Variants in RAPGEF4 observed in about 807,000 individuals in gnomAD.
RAPGEF4 encodes Rap guanine nucleotide exchange factor 4.
In RAPGEF4, 66 loss-of-function variants were observed where a neutral mutation model predicts 147.9. That is an observed-to-expected ratio of 0.45 (90% CI 0.37 to 0.55). The LOEUF (loss-of-function observed/expected upper bound fraction) is 0.55. RAPGEF4 is among the 20% of genes least tolerant of loss of function. RAPGEF4 has a pLI of 0.00. For synonymous variants in RAPGEF4, 419 were observed against 442.7 expected, an observed-to-expected ratio of 0.95 and a Z score of 0.67; for missense variants, 1,071 against 1,257.3, an observed-to-expected ratio of 0.85 and a Z score of 2.24.
intron 25 of RAPGEF4, 104 bp downstream of exon 25, chr2:173,027,363 C>G: frequency 1.1e-6 from 1 of 920,444 alleles, no homozygotes. Context: ...CTAGGAACTG[C>G]TAGAGGGCCA....
rs1692770717 is a variant in RAPGEF4, at chr2:172,990,941, A to G, written c.1490+16A>G. ...CTCAGCAAAAGTATGTTTGCATCCAACACTGTAATTGCCAGACTATGATTA... is the reference window on the plus strand; with the variant it reads ...CTCAGCAAAAGTATGTTTGCATCCAGCACTGTAATTGCCAGACTATGATTA... On this transcript the variant is annotated intron_variant, in intron 15 of 30. Transcript: ENST00000397081. 6.5e-7 allele frequency: 1 copy of G among 1,544,924 alleles called. No individual in the cohort carries two copies. The highest frequency in any genetic ancestry group is 1.1e-5 in the South Asian group (1 of 89,234).
chr2:173,026,077 C>T (rs1473523443), intron 23 of RAPGEF4, among the ~76,000 whole-genome samples: 1 of 152,282 alleles, frequency 6.6e-6, no homozygotes, highest in East Asian at 1.9e-4. Context: ...TCCCTCATGA[C>T]CCCAGGCAGT....
chr2:172,811,348 C>T (rs1688003357), intron 3 of RAPGEF4, among the ~76,000 whole-genome samples: 1 of 152,194 alleles, frequency 6.6e-6, no homozygotes, highest in Non-Finnish European at 1.5e-5. Context: ...CTTTACTTCC[C>T]TTTTGAAAGT....
chr2:172,861,428 G>T (rs1417271889), intron 4 of RAPGEF4, among the ~76,000 whole-genome samples: 1 of 152,192 alleles, frequency 6.6e-6, no homozygotes, highest in Non-Finnish European at 1.5e-5. Context: ...GAGGGAAAAG[G>T]GGGTATCTTG....
intron 12 of RAPGEF4, among the ~76,000 whole-genome samples, chr2:172,986,880 G>T (rs931994631): frequency 2.0e-5 from 3 of 151,934 alleles, no homozygotes; most frequent in Non-Finnish European, 2.9e-5. Context: ...TGTATTTTTA[G>T]TAGAGGCAGG....
intron 1 of RAPGEF4, among the ~76,000 whole-genome samples, chr2:172,755,562 A>G (rs1201170029): frequency 6.6e-6 from 1 of 151,844 alleles, no homozygotes; most frequent in Non-Finnish European, 1.5e-5. Context: ...CCCAGCTACT[A>G]TTTTTGTATT....
intron 29 of RAPGEF4, among the ~76,000 whole-genome samples, chr2:173,043,047 T>C (rs1684961918): frequency 6.6e-6 from 1 of 152,212 alleles, no homozygotes; most frequent in African/African-American, 2.4e-5. Flanking sequence ...GCCTGGCCAT[T>C]TGGTTGCTAT....
At chr2:172,972,816 T>A (rs1340624002) in intron 10 of RAPGEF4, among the ~76,000 whole-genome samples, 1 of 152,210 alleles carries the variant, frequency 6.6e-6, no homozygotes. Flanking sequence ...CTAAAGTCGA[T>A]CTCTTTATTG....
chr2:173,006,622 A>T (rs1694505720), intron 17 of RAPGEF4, among the ~76,000 whole-genome samples: 1 of 152,208 alleles, frequency 6.6e-6, no homozygotes, highest in Non-Finnish European at 1.5e-5. Context: ...CTGAAAAATT[A>T]GGGTCCCTGT....
At position 173,039,947 on chromosome 2, in the gene RAPGEF4, T is replaced by C. The variant is rs552897723; in HGVS notation, c.2853+3255T>C. ...GCTCATGTCTGTAATCCCAGCACTT[T>C]GGGAGGCTGAGGTGGGCAGATCGCC... On this transcript the variant is annotated intron_variant, in intron 29 of 30. Transcript: ENST00000397081. Among the ~76,000 whole-genome samples, 281 of 152,272 alleles carry C rather than the reference T, an allele frequency of 1.8e-3. 1 individual carries two copies. The highest frequency in any genetic ancestry group is 6.3e-3 in the African/African-American group (263 of 41,538).
intron 6 of RAPGEF4, among the ~76,000 whole-genome samples, chr2:172,938,766 G>A (rs1448395040): frequency 1.3e-5 from 2 of 152,202 alleles, no homozygotes; most frequent in Non-Finnish European, 2.9e-5. Flanking sequence ...TGCCATGTAT[G>A]CACCATTACA....
At chr2:172,877,227 A>T (rs1200559405) in intron 4 of RAPGEF4, among the ~76,000 whole-genome samples, 1 of 152,164 alleles carries the variant, frequency 6.6e-6, no homozygotes, top group Non-Finnish European at 1.5e-5. Context: ...ACATGGATGA[A>T]GCTGGAAATC....
intron 4 of RAPGEF4, among the ~76,000 whole-genome samples, chr2:172,879,657 G>A (rs1258607965): frequency 2.0e-5 from 3 of 152,070 alleles, no homozygotes; most frequent in Non-Finnish European, 4.4e-5. Flanking sequence ...CAAAAAATTA[G>A]CCAGGTATGG....
intron 10 of RAPGEF4, among the ~76,000 whole-genome samples, chr2:172,967,760 GC>G (rs1467876021): frequency 6.6e-6 from 1 of 152,194 alleles, no homozygotes; most frequent in African/African-American, 2.4e-5. Context: ...CTGTTTCTAT[GC>G]CAGCCTGTGG....
At chr2:173,022,850 A>G (rs1290664562) in intron 23 of RAPGEF4, among the ~76,000 whole-genome samples, 1 of 152,210 alleles carries the variant, frequency 6.6e-6, no homozygotes, top group East Asian at 1.9e-4. Flanking sequence ...TTCACATTTT[A>G]TTTAAGTATA....
intron 6 of RAPGEF4, among the ~76,000 whole-genome samples, chr2:172,943,465 T>A (rs1384716227): frequency 1.3e-5 from 2 of 149,156 alleles, no homozygotes; most frequent in African/African-American, 2.6e-5. Context: ...CATCAAAGGG[T>A]TGTTGTTAGT....
At position 172,795,022 on chromosome 2, in the gene RAPGEF4, C is replaced by T; in HGVS notation, c.66-3C>T. The stretch of plus-strand genomic sequence containing the variant: ...AGCTTTTGTGCCTTTTCTCCCTATA[C>T]AGACCACTGGAGCGATCCAGCGAAG... On this transcript the variant is annotated splice_region_variant and splice_polypyrimidine_tract_variant and intron_variant, in intron 1 of 30. Transcript: ENST00000397081. The T allele has an allele frequency of 6.2e-7, 1 of 1,613,168 alleles. No homozygotes were observed. The highest frequency in any genetic ancestry group is 8.5e-7 in the Non-Finnish European group (1 of 1,179,544).
At chr2:172,871,844 T>C (rs902339438) in intron 4 of RAPGEF4, among the ~76,000 whole-genome samples, 4 of 152,174 alleles carry the variant, frequency 2.6e-5, no homozygotes, top group African/African-American at 9.7e-5. Flanking sequence ...CCAGTAGTTC[T>C]GGGTGGCAGT....
chr2:172,891,872 A>G lies in RAPGEF4; in HGVS notation c.445-25930A>G, dbSNP rs1697955798. Among the ~76,000 whole-genome samples the G allele has an allele frequency of 2.0e-5, 3 of 152,250 alleles. No homozygotes were observed. The South Asian group carries it at 6.2e-4, about 31-fold the overall frequency. ...GTCATTGGTAGTGGGTTCCCCCAACATATTATATAGGAATTCTTTTCCATT... is the reference window on the plus strand; with the variant it reads ...GTCATTGGTAGTGGGTTCCCCCAACGTATTATATAGGAATTCTTTTCCATT... On this transcript the variant is annotated intron_variant, in intron 4 of 30. Transcript: ENST00000397081.
Sources: allele counts gnomAD v4.1 joint callset (sites outside exome capture counted in the v4.1 genomes callset), GRCh38; gene constraint gnomAD v4.1.1; transcripts MANE v1.5; gene names NCBI Gene and HGNC (gene_info 2026-07-23, HGNC 2026-07-21).